CNNM1: variants seen among roughly 807,000 people sequenced by gnomAD.
CNNM1 encodes the protein metal transporter CNNM1.
In CNNM1, 44 loss-of-function variants were observed where a neutral mutation model predicts 78.8. The ratio of observed to expected loss-of-function variants is 0.56; its 90% CI spans 0.44 to 0.72. The LOEUF (loss-of-function observed/expected upper bound fraction) is 0.72, where lower values mean the gene tolerates loss of function less well. Ranked by LOEUF, CNNM1 falls within the 30% of genes least tolerant of loss-of-function variation. The pLI is 0.00. For missense variants in CNNM1, 1,101 were observed against 1,292.2 expected (o/e 0.85, Z 2.27); for synonymous variants, 584 against 581.5 (o/e 1.00, Z -0.06).
chr10:99,365,146 A>G, intron 6 of CNNM1, 144 bp downstream of exon 6: 1 of 802,920 alleles, frequency 1.2e-6, no homozygotes, highest in East Asian at 2.6e-5. Context: ...TGCCAGGAAC[A>G]CTGCTTCCTG....
intron 1 of CNNM1, among the ~76,000 whole-genome samples, chr10:99,347,858 G>A (rs1008902578): frequency 6.6e-6 from 1 of 151,720 alleles, no homozygotes; most frequent in Non-Finnish European, 1.5e-5. Context: ...CTACCTCACC[G>A]CCTTCAGGGC....
intron 9 of CNNM1, among the ~76,000 whole-genome samples, chr10:99,389,420 A>G (rs1372241463): frequency 2.7e-5 from 4 of 150,184 alleles, no homozygotes; most frequent in Admixed American, 2.0e-4. Flanking sequence ...CCATCTCAAA[A>G]AAAAAAAAAA....
At chr10:99,370,966 G>A (rs376883565) in intron 6 of CNNM1, among the ~76,000 whole-genome samples, 12 of 152,276 alleles carry the variant, frequency 7.9e-5, no homozygotes, top group East Asian at 5.8e-4. Context: ...TTAAAAAACA[G>A]GTTCTGAGAA....
chr10:99,366,893 A>T (rs1252995114), intron 6 of CNNM1, among the ~76,000 whole-genome samples: 1 of 152,232 alleles, frequency 6.6e-6, no homozygotes, highest in Non-Finnish European at 1.5e-5. Context: ...GTGAGATAGA[A>T]ATAAAGTTGC....
chr10:99,380,450 T>C (rs2032105812), intron 7 of CNNM1, among the ~76,000 whole-genome samples: 1 of 152,176 alleles, frequency 6.6e-6, no homozygotes, highest in African/African-American at 2.4e-5. Flanking sequence ...CTCAGAGGAA[T>C]GTGCTAAGAT....
At chr10:99,378,565 A>G (rs1033509627) in intron 7 of CNNM1, among the ~76,000 whole-genome samples, 1 of 152,232 alleles carries the variant, frequency 6.6e-6, no homozygotes, top group Non-Finnish European at 1.5e-5. Context: ...TTGAAAAGTA[A>G]CCATGGAATG....
chr10:99,388,866 T>C (rs1240250252), intron 9 of CNNM1, among the ~76,000 whole-genome samples: 1 of 152,108 alleles, frequency 6.6e-6, no homozygotes, highest in African/African-American at 2.4e-5. Context: ...TTTCCTGAGG[T>C]CTAAGACCAT....
At chr10:99,356,562 C>CAGACAGAAAGAAAGAAAAGAAA in intron 1 of CNNM1, among the ~76,000 whole-genome samples, 60 of 98,536 alleles carry the variant, frequency 6.1e-4, no homozygotes, top group Non-Finnish European at 6.9e-4. Flanking sequence ...GACAGACAGA[C>CAGACAGAAAGAAAGAAAAGAAA]AGAAAGAAAG....
intron 7 of CNNM1, among the ~76,000 whole-genome samples, chr10:99,386,386 C>A (rs2032304828): frequency 6.6e-6 from 1 of 152,102 alleles, no homozygotes; most frequent in Non-Finnish European, 1.5e-5. Flanking sequence ...AGAGTTAAAC[C>A]CAAAAATCTT....
At chr10:99,332,766 A>G (rs1455501318) in intron 1 of CNNM1, among the ~76,000 whole-genome samples, 3 of 152,232 alleles carry the variant, frequency 2.0e-5, no homozygotes, top group Non-Finnish European at 4.4e-5. Context: ...TTGTGTTGGT[A>G]TGATGAGAAG....
At chr10:99,339,980 G>A (rs1297966484) in intron 1 of CNNM1, among the ~76,000 whole-genome samples, 2 of 152,134 alleles carry the variant, frequency 1.3e-5, no homozygotes, top group Non-Finnish European at 2.9e-5. Flanking sequence ...ATAAATAGAT[G>A]TATTACGTTT....
intron 9 of CNNM1, among the ~76,000 whole-genome samples, chr10:99,389,253 TA>T (rs997300486): frequency 6.6e-6 from 1 of 150,938 alleles, no homozygotes; most frequent in Admixed American, 6.6e-5. Context: ...CTGTCTCTAC[TA>T]AAAAAAACAA....
intron 1 of CNNM1, among the ~76,000 whole-genome samples, chr10:99,349,953 C>T (rs957986449): frequency 6.6e-6 from 1 of 152,128 alleles, no homozygotes; most frequent in African/African-American, 2.4e-5. Flanking sequence ...GAGCCAGGAT[C>T]ACACCATTGA....
intron 1 of CNNM1, among the ~76,000 whole-genome samples, chr10:99,341,149 T>G (rs973347311): frequency 6.6e-6 from 1 of 152,198 alleles, no homozygotes; most frequent in African/African-American, 2.4e-5. Context: ...GTATTTGAGC[T>G]GAATCCTAAA....
At chr10:99,382,211 G>A (rs957280067) in intron 7 of CNNM1, among the ~76,000 whole-genome samples, 7 of 152,154 alleles carry the variant, frequency 4.6e-5, no homozygotes, top group African/African-American at 1.7e-4. Context: ...GAGATAGAAA[G>A]GTGCATCTAA....
At chr10:99,377,015 C>T (rs1398492256) in intron 6 of CNNM1, 40 bp from the exon 7 acceptor site, 5 of 1,518,780 alleles carry the variant, frequency 3.3e-6, no homozygotes, top group Non-Finnish European at 4.5e-6. Context: ...CCTCCCCACC[C>T]ATCCCTCCTT....
At chr10:99,343,595 A>G (rs2030549862) in intron 1 of CNNM1, among the ~76,000 whole-genome samples, 3 of 152,218 alleles carry the variant, frequency 2.0e-5, no homozygotes, top group African/African-American at 7.2e-5. Context: ...CCATGGAGCC[A>G]AGGACACAGA....
chr10:99,376,451 CT>C (rs2031965457), intron 6 of CNNM1, among the ~76,000 whole-genome samples: 1 of 152,230 alleles, frequency 6.6e-6, no homozygotes, highest in Non-Finnish European at 1.5e-5. Context: ...GTCTCAGGCC[CT>C]GCCAATGTGG....
rs753733886 is a variant in CNNM1 at position 99,390,289 on chromosome 10, C to G, written c.2675-17C>G. The G allele has an allele frequency of 5.7e-6, 9 of 1,592,502 alleles. No individual in the cohort carries two copies. The highest frequency in any genetic ancestry group is 6.9e-6 in the Non-Finnish European group (8 of 1,164,944). On this transcript the variant is annotated splice_polypyrimidine_tract_variant and intron_variant, in intron 9 of 10. Transcript: ENST00000356713. ...TGTAGGTTGAGACAACTTGAGTTCT[C>G]TCCTTTCCTTTCTCAGCATCAGATA...
Sources: allele counts gnomAD v4.1 joint callset (sites outside exome capture counted in the v4.1 genomes callset), GRCh38; gene constraint gnomAD v4.1.1; transcripts MANE v1.5; gene names NCBI Gene and HGNC (gene_info 2026-07-23, HGNC 2026-07-21).